CENPK: variants seen among roughly 807,000 people sequenced by gnomAD.
The protein encoded by CENPK is SoxLZ/Sox6-binding protein Solt.
Under a neutral mutation model 40.9 loss-of-function variants are expected in CENPK, and 46 were observed. The observed-to-expected ratio is 1.13, with a 90% CI of 0.89 to 1.44. CENPK has a LOEUF of 1.44. Among genes scored for constraint, CENPK ranks in the 40% most tolerant of loss-of-function variants. The pLI, the probability that CENPK is intolerant of heterozygous loss-of-function variation, is 0.00. For synonymous variants in CENPK, 107 were observed against 104.4 expected (o/e 1.02, Z -0.15); for missense variants, 288 against 303.5 (o/e 0.95, Z 0.38).
At chr5:65,522,894 C>T (rs1005994952) in intron 9 of CENPK, among the ~76,000 whole-genome samples, 7 of 152,302 alleles carry the variant, frequency 4.6e-5, no homozygotes, top group East Asian at 3.9e-4. Context: ...TTCATAATTA[C>T]GGAGACTGGA....
intron 6 of CENPK, among the ~76,000 whole-genome samples, chr5:65,532,205 C>G (rs1580954045): frequency 6.6e-6 from 1 of 152,082 alleles, no homozygotes; most frequent in Non-Finnish European, 1.5e-5. Context: ...ATATGACTGG[C>G]TCCAGAGAAA....
At chr5:65,550,172 C>T (rs140318072) in intron 5 of CENPK, among the ~76,000 whole-genome samples, 3,157 of 42,530 alleles carry the variant, frequency 0.074, 41 homozygotes, top group South Asian at 0.15. Context: ...AAGACTCCAT[C>T]TCAAAAAAAA....
chr5:65,497,966 T>A, the CENPK span, among the ~76,000 whole-genome samples: 2 of 152,164 alleles, frequency 1.3e-5, no homozygotes, highest in Non-Finnish European at 2.9e-5. Context: ...GTTTGTAACA[T>A]CTGTCAAAAT....
chr5:65,533,483 G>A (rs1483486115), intron 6 of CENPK, among the ~76,000 whole-genome samples: 1 of 152,014 alleles, frequency 6.6e-6, no homozygotes, highest in Non-Finnish European at 1.5e-5. Context: ...AATGGTGAAG[G>A]GGCAAATGCT....
At chr5:65,529,955 C>T (rs968244953) in intron 6 of CENPK, among the ~76,000 whole-genome samples, 11 of 152,052 alleles carry the variant, frequency 7.2e-5, no homozygotes, top group Admixed American at 2.6e-4. Context: ...CAGGCACGTG[C>T]CACCACGCCC....
the CENPK span, among the ~76,000 whole-genome samples, chr5:65,497,260 C>T: frequency 2.4e-4 from 36 of 151,548 alleles, no homozygotes; most frequent in Middle Eastern, 3.4e-3. Flanking sequence ...CCCAGCTACT[C>T]GGGTGGCTAA....
At chr5:65,560,145 ATTT>A (rs954899959) in intron 2 of CENPK, among the ~76,000 whole-genome samples, 1 of 150,836 alleles carries the variant, frequency 6.6e-6, no homozygotes, top group African/African-American at 2.4e-5. Flanking sequence ...TTACACCAAA[ATTT>A]TTTTTTTAAT....
intron 6 of CENPK, among the ~76,000 whole-genome samples, chr5:65,533,821 T>A (rs1746345881): frequency 6.6e-6 from 1 of 151,904 alleles, no homozygotes; most frequent in Admixed American, 6.6e-5. Flanking sequence ...GGTGGGCAGA[T>A]CATGAGGTCA....
chr5:65,552,253 T>C (rs1449284943), intron 4 of CENPK, among the ~76,000 whole-genome samples: 1 of 152,210 alleles, frequency 6.6e-6, no homozygotes, highest in Non-Finnish European at 1.5e-5. Flanking sequence ...ATATGTATAG[T>C]TGCTAAAAGA....
downstream of CENPK, among the ~76,000 whole-genome samples, chr5:65,515,204 A>AATTTTTTTTTTTTTTTTT (rs35708852): frequency 1.4e-4 from 17 of 124,066 alleles, 2 homozygotes; most frequent in East Asian, 2.8e-4. Flanking sequence ...TCTCAAAAAA[A>AATTTTTTTTTTTTTTTTT]TTTTTTTTTT....
At chr5:65,554,760 C>A in intron 3 of CENPK, 37 bp downstream of exon 3, 1 of 1,084,954 alleles carries the variant, frequency 9.2e-7, no homozygotes, top group Admixed American at 1.8e-5. Flanking sequence ...TGATTTAAAT[C>A]TTATATTAAC....
In CENPK at chr5:65,524,307, C is replaced by T. The variant is rs116295506; in HGVS notation, c.598-2779G>A. ...GGCTGAGGCAGCAGAATCGTGTGAACCCGGGAGGTGGAGCTTACAGTGAGC... is the reference window on the plus strand; with the variant it reads ...GGCTGAGGCAGCAGAATCGTGTGAATCCGGGAGGTGGAGCTTACAGTGAGC... On this transcript the variant is annotated intron_variant, in intron 9 of 10. Transcript: ENST00000396679. 6.0e-3 allele frequency among the ~76,000 whole-genome samples: 905 copies of T among 151,410 alleles called. 8 individuals carry two copies. Among genetic ancestry groups the T allele is most frequent in the African/African-American group, 0.02 (823 of 41,238 alleles).
At chr5:65,533,350 AAAATAAATAAAT>A (rs61642453) in intron 6 of CENPK, among the ~76,000 whole-genome samples, 3 of 148,116 alleles carry the variant, frequency 2.0e-5, no homozygotes, top group African/African-American at 7.5e-5. Context: ...ACCCTGTATC[AAAATAAATAAAT>A]AAATAAATAA....
At chr5:65,554,191 G>A (rs1414877275) in intron 3 of CENPK, among the ~76,000 whole-genome samples, 1 of 151,378 alleles carries the variant, frequency 6.6e-6, no homozygotes, top group Non-Finnish European at 1.5e-5. Flanking sequence ...CACCAGGCTG[G>A]AGTGCAGTGG....
intron 6 of CENPK, among the ~76,000 whole-genome samples, chr5:65,539,739 G>A (rs928622824): frequency 2.0e-5 from 3 of 152,224 alleles, no homozygotes; most frequent in African/African-American, 7.2e-5. Flanking sequence ...CTGGACTGAG[G>A]TCATAAGCTC....
the CENPK span, among the ~76,000 whole-genome samples, chr5:65,498,340 CTTTA>C: frequency 9.2e-5 from 14 of 151,992 alleles, no homozygotes; most frequent in Admixed American, 4.6e-4. Flanking sequence ...TACGTGATTG[CTTTA>C]TTTATTACAT....
chr5:65,528,576 A>T lies in CENPK; in HGVS notation c.473T>A (p.Ile158Asn). 6.6e-7 allele frequency: 1 copy of T among 1,523,306 alleles called. No homozygotes were observed. The highest frequency in any genetic ancestry group is 8.8e-7 in the Non-Finnish European group (1 of 1,140,362). 94.4% of individuals were successfully genotyped at this position (1,523,306 alleles called of 1,614,324 possible). A position where few individuals can be genotyped will look rare whatever the true frequency, so the allele number is the denominator to read the frequency against. The change falls in exon 9 of 11, where the codon ATC becomes AAC. Residue 158 changes from isoleucine to asparagine, a missense_variant and splice_region_variant. By Grantham distance (149) the Ile-to-Asn change is moderately radical. Coordinates refer to ENST00000396679, the MANE Select transcript of CENPK (RefSeq NM_022145.5). ...CATTTTAGTTTTCAGTTCATTAAAG[A>T]TTCTAATAGATTAAAAAAATTAAGA... Reference protein sequence around the residue: ...NKVETFSESRIFNELKTKMLN... With the variant: ...NKVETFSESRNFNELKTKMLN...
intron 9 of CENPK, among the ~76,000 whole-genome samples, chr5:65,522,518 TC>T (rs1743969245): frequency 6.6e-6 from 1 of 152,184 alleles, no homozygotes; most frequent in Non-Finnish European, 1.5e-5. Context: ...AGCCTCAACT[TC>T]CTGGGCTCAA....
intron 6 of CENPK, among the ~76,000 whole-genome samples, chr5:65,534,012 C>T (rs1317531563): frequency 2.4e-5 from 3 of 127,006 alleles, no homozygotes; most frequent in African/African-American, 8.8e-5. Flanking sequence ...GGCACCACTG[C>T]ACTCTAGCCT....
Sources: gnomAD v4.1 joint callset for allele counts (sites outside exome capture counted in the v4.1 genomes callset) on GRCh38, gnomAD v4.1.1 for gene constraint, MANE v1.5 for transcripts, NCBI Gene and HGNC (gene_info 2026-07-23, HGNC 2026-07-21) for gene names.